The following PALM variants were observed in gnomAD, a reference collection of about 807,000 sequenced individuals.
PALM encodes paralemmin.
Under a neutral mutation model 30.7 loss-of-function variants are expected in PALM, and 18 were observed. That is an observed-to-expected ratio of 0.59 (90% CI 0.41 to 0.87). The LOEUF (loss-of-function observed/expected upper bound fraction) is 0.87, where lower values mean the gene tolerates loss of function less well. PALM is among the 40% of genes least tolerant of loss of function. The pLI is 0.00. For synonymous variants in PALM, 286 were observed against 242.8 expected (o/e 1.18, Z -1.66); for missense variants, 529 against 555.4 (o/e 0.95, Z 0.48).
intron 5 of PALM, among the ~76,000 whole-genome samples, chr19:733,656 G>A (rs369224192): frequency 2.7e-4 from 41 of 152,322 alleles, no homozygotes; most frequent in East Asian, 1.2e-3. Flanking sequence ...GGTGGCCTGC[G>A]GGAGCCGCTG....
intron 6 of PALM, chr19:735,049 G>A: frequency 4.1e-6 from 4 of 986,878 alleles, no homozygotes; most frequent in Non-Finnish European, 4.8e-6. Flanking sequence ...ACTGGGCTGA[G>A]GATGAGGAAT....
At chr19:712,214 G>T (rs1304132516) in intron 1 of PALM, among the ~76,000 whole-genome samples, 1 of 151,338 alleles carries the variant, frequency 6.6e-6, no homozygotes, top group Non-Finnish European at 1.5e-5. Flanking sequence ...GTAGCGACAG[G>T]GTTTCACCAG....
intron 3 of PALM, 143 bp downstream of exon 3, chr19:727,231 T>TGATCCC (rs2032704970): frequency 5.1e-6 from 3 of 593,230 alleles, no homozygotes. Flanking sequence ...ACCCCGACCC[T>TGATCCC]GACCCCGACC....
At chr19:733,673 G>T (rs1262951403) in intron 5 of PALM, among the ~76,000 whole-genome samples, 1 of 152,198 alleles carries the variant, frequency 6.6e-6, no homozygotes, top group African/African-American at 2.4e-5. Context: ...GCTGATGCGG[G>T]GGTATGTGGG....
rs116144907 is a variant in PALM at position 730,328 on chromosome 19, C to A, written c.270-767C>A. On this transcript the variant is annotated intron_variant, in intron 4 of 8. Coordinates refer to ENST00000338448, the MANE Select transcript of PALM (RefSeq NM_002579.3). Reference sequence around the variant, plus strand: ...AGCCCTCGTCTGTCCTGTCCTCAGGCTGAGGCTGAGCTGCCGTGAATGTCG... The same window carrying A: ...AGCCCTCGTCTGTCCTGTCCTCAGGATGAGGCTGAGCTGCCGTGAATGTCG... 2.5e-3 allele frequency among the ~76,000 whole-genome samples: 386 copies of A among 152,314 alleles called. 1 individual carries two copies. Among genetic ancestry groups the A allele is most frequent in the Admixed American group, 4.8e-3 (73 of 15,294 alleles).
chr19:747,042 GGAGA>G lies in PALM; in HGVS notation c.*233_*236del, dbSNP rs1226909657. Reference sequence around the variant, plus strand: ...CAGAGCCGTGCACTTGTGCCTGGTAGGAGAGAGACAGGACAGACCCGCTTTTCCC... The same window carrying G: ...CAGAGCCGTGCACTTGTGCCTGGTAGGAGACAGGACAGACCCGCTTTTCCC... On this transcript the variant is annotated 3_prime_UTR_variant, in exon 9 of 9. Transcript: ENST00000338448. 1.8e-6 allele frequency: 1 copy of G among 555,014 alleles called. No homozygotes were observed. Among genetic ancestry groups the G allele is most frequent in the African/African-American group, 1.9e-5 (1 of 52,672 alleles). The allele number at this position is 555,014 out of a possible 1,614,324, so 34.4% of individuals were successfully genotyped here. A position where few individuals can be genotyped will look rare whatever the true frequency, so the allele number is the denominator to read the frequency against.
At position 727,231 on chromosome 19, in the gene PALM, TGACCCC is replaced by T. The variant is rs71174319; in HGVS notation, c.138+161_138+166del. On this transcript the variant is annotated intron_variant, in intron 3 of 8. Coordinates refer to ENST00000338448, the MANE Select transcript of PALM (RefSeq NM_002579.3). ...CCAGCCCTGACCCTGACCCCGACCCTGACCCCGACCCCGACCCCGACCCTGACCCCA... is the reference window on the plus strand; with the variant it reads ...CCAGCCCTGACCCTGACCCCGACCCTGACCCCGACCCCGACCCTGACCCCA... 1,207 of 592,786 alleles carry T rather than the reference TGACCCC, an allele frequency of 2.0e-3. 54 individuals carry two copies. Among genetic ancestry groups the T allele is most frequent in the African/African-American group, 4.3e-3 (199 of 45,884 alleles). 36.7% of individuals were successfully genotyped at this position (592,786 alleles called of 1,614,324 possible).
At chr19:740,318 A>C in intron 7 of PALM, 34 bp from the exon 8 acceptor site, 2 of 1,526,150 alleles carry the variant, frequency 1.3e-6, no homozygotes, top group African/African-American at 1.4e-5. Flanking sequence ...GGGGGCGGGC[A>C]GGCCGTGGTG....
intron 1 of PALM, among the ~76,000 whole-genome samples, chr19:721,137 A>G (rs2032463981): frequency 6.6e-6 from 1 of 152,104 alleles, no homozygotes; most frequent in African/African-American, 2.4e-5. Context: ...CTTGGTGCAT[A>G]GCCAGGGGGC....
chr19:734,344 G>C (rs573370635), intron 6 of PALM, 150 bp downstream of exon 6: 1 of 688,854 alleles, frequency 1.5e-6, no homozygotes, highest in South Asian at 1.8e-5. Flanking sequence ...TAGATCTCCT[G>C]AGGTCAGGAG....
chr19:746,323 C>G lies in PALM; in HGVS notation c.673C>G (p.His225Asp). 1.2e-6 allele frequency: 2 copies of G among 1,613,510 alleles called. No homozygotes were observed. The highest frequency in any genetic ancestry group is 1.7e-6 in the Non-Finnish European group (2 of 1,179,602). The stretch of plus-strand genomic sequence containing the variant: ...GGACGGCACCGCCGAGAACGGGATC[C>G]ACCCCCTGAGCTCCTCCGAGGTGGA... ...AVDGTAENGI[H>D]PLSSSEVDEL... Residue 225 changes from histidine to aspartate, a missense_variant, in exon 9 of 9, where the codon CAC (histidine) becomes GAC (aspartate). Coordinates refer to ENST00000338448, the MANE Select transcript of PALM (RefSeq NM_002579.3). The surrounding 1 kb of genome is among the most constrained non-coding windows in gnomAD (Gnocchi z 7.1).
At position 747,570 on chromosome 19, in the gene PALM, C is replaced by G. The variant is rs1320555274; in HGVS notation, c.*756C>G. ...CTGCACAGGGCAGGGACCGAGTGAGCCACTCCTTGTCCCGAGCTCCCGCCC... is the reference window on the plus strand; with the variant it reads ...CTGCACAGGGCAGGGACCGAGTGAGGCACTCCTTGTCCCGAGCTCCCGCCC... On this transcript the variant is annotated 3_prime_UTR_variant, in exon 9 of 9. Transcript: ENST00000338448. 1 of 152,742 alleles carries G rather than the reference C, an allele frequency of 6.5e-6. No individual in the cohort carries two copies. The highest frequency in any genetic ancestry group is 1.5e-5 in the Non-Finnish European group (1 of 68,166). 9.5% of individuals were successfully genotyped at this position (152,742 alleles called of 1,614,324 possible).
At position 731,108 on chromosome 19, in the gene PALM, A is replaced by G; in HGVS notation, c.283A>G (p.Ile95Val). 1.3e-6 allele frequency: 2 copies of G among 1,591,900 alleles called. No individual in the cohort carries two copies. The highest frequency in any genetic ancestry group is 1.7e-6 in the Non-Finnish European group (2 of 1,169,622). ...EDSVSRLEKEIEVLERGDSAP... is the reference protein window; with the variant it reads ...EDSVSRLEKEVEVLERGDSAP... ...CCCTCTCCCCAGGTTGGAGAAGGAA[A>G]TTGAGGTGCTGGAGCGTGGAGACTC... Residue 95 changes from isoleucine (I) to valine (V), a missense_variant, in exon 5 of 9, where the codon ATT becomes GTT. Ile to Val is a conservative substitution (Grantham distance 29). Coordinates refer to ENST00000338448, the MANE Select transcript of PALM (RefSeq NM_002579.3).
intron 1 of PALM, among the ~76,000 whole-genome samples, chr19:725,678 A>T (rs1599147060): frequency 6.6e-6 from 1 of 151,882 alleles, no homozygotes; most frequent in African/African-American, 2.4e-5. Flanking sequence ...TTGCAAGCCC[A>T]GGCTTGGGAG....
At chr19:728,074 G>C (rs1332150517) in intron 4 of PALM, among the ~76,000 whole-genome samples, 1 of 152,126 alleles carries the variant, frequency 6.6e-6, no homozygotes, top group African/African-American at 2.4e-5. Flanking sequence ...GCCGGCATTG[G>C]CCTCCCTGGG....
chr19:720,331 GGCGCATCCT>G (rs1430973887), intron 1 of PALM, among the ~76,000 whole-genome samples: 92 of 150,992 alleles, frequency 6.1e-4, no homozygotes, highest in African/African-American at 2.2e-3. Flanking sequence ...GGGCGAGGGG[GGCGCATCCT>G]GCGTGTCCTG....
At chr19:738,768 C>T (rs374744973) in intron 7 of PALM, among the ~76,000 whole-genome samples, 1 of 152,038 alleles carries the variant, frequency 6.6e-6, no homozygotes, top group African/African-American at 2.4e-5. Context: ...GCCTAAGCGT[C>T]GAGGTTGGGT....
Position 727,003 on chromosome 19 carries a change from C to CCCCCCCCCAG in PALM, c.58-5_58-4insCCCCCCCCAG. ...ATCCCTGACCCCACCCGGCCCTCCCCACAGGAGAAGCGGAAGCGGCAGGCG... is the reference window on the plus strand; with the variant it reads ...ATCCCTGACCCCACCCGGCCCTCCCCCCCCCCCCAGACAGGAGAAGCGGAAGCGGCAGGCG... On this transcript the variant is annotated splice_polypyrimidine_tract_variant and splice_region_variant and intron_variant, in intron 2 of 8. Coordinates refer to ENST00000338448, the MANE Select transcript of PALM (RefSeq NM_002579.3). 6.6e-7 allele frequency: 1 copy of CCCCCCCCCAG among 1,524,300 alleles called. No individual in the cohort carries two copies. The highest frequency in any genetic ancestry group is 2.5e-5 in the East Asian group (1 of 40,594). The allele number at this position is 1,524,300 out of a possible 1,614,324, so 94.4% of individuals were successfully genotyped here.
At position 734,179 on chromosome 19, in the gene PALM, G is replaced by T. The variant is rs557710805; in HGVS notation, c.427G>T (p.Val143Leu). The T allele has an allele frequency of 1.2e-6, 2 of 1,613,984 alleles. No homozygotes were observed. The highest frequency in any genetic ancestry group is 2.2e-5 in the South Asian group (2 of 91,082). The change falls in exon 6 of 9, where the codon GTG becomes TTG. Residue 143 changes from valine (V) to leucine (L), a missense_variant. Transcript: ENST00000338448. ...EVVMNSQQTP[V>L]GTPKDKRVSN... ...TCTCTCTTCTTTCTTGCAGACGCCG[G>T]TGGGCACGCCCAAAGGTAGGACCTC...
Sources: allele counts gnomAD v4.1 joint callset (sites outside exome capture counted in the v4.1 genomes callset), GRCh38; gene constraint gnomAD v4.1.1; non-coding constraint Gnocchi (gnomAD v3.1); transcripts MANE v1.5; gene names NCBI Gene and HGNC (gene_info 2026-07-23, HGNC 2026-07-21).